Variants in CCL24 observed in about 807,000 individuals in gnomAD.
CCL24 encodes the protein C-C motif chemokine 24.
In CCL24, 6 loss-of-function variants were observed where a neutral mutation model predicts 8.6. The observed-to-expected ratio is 0.70, with a 90% CI of 0.38 to 1.38. The LOEUF (loss-of-function observed/expected upper bound fraction) is 1.38, where lower values mean the gene tolerates loss of function less well. Ranked by LOEUF, CCL24 falls within the 40% of genes most tolerant of loss-of-function variation. The pLI, the probability that CCL24 is intolerant of heterozygous loss-of-function variation, is 0.02. For synonymous variants in CCL24, 59 were observed against 52.7 expected (o/e 1.12, Z -0.52); for missense variants, 126 against 147.1 (o/e 0.86, Z 0.74).
chr7:75,813,763 G>A lies in CCL24; in HGVS notation c.-48C>T, dbSNP rs1554533786. 4 of 1,492,534 alleles carry A rather than the reference G, an allele frequency of 2.7e-6. No individual in the cohort carries two copies. The highest frequency in any genetic ancestry group is 1.7e-5 in the Admixed American group (1 of 59,822). The allele number at this position is 1,492,534 out of a possible 1,614,324, so 92.5% of individuals were successfully genotyped here. A position where few individuals can be genotyped will look rare whatever the true frequency, so the allele number is the denominator to read the frequency against. ...GCTCGGGGCTCAAAGCTGACGTGCAGGAGGAAAGGACCTAGGGATAAATAG... is the reference window on the plus strand; with the variant it reads ...GCTCGGGGCTCAAAGCTGACGTGCAAGAGGAAAGGACCTAGGGATAAATAG... On this transcript the variant is annotated 5_prime_UTR_variant, in exon 1 of 3. Coordinates refer to ENST00000222902, the MANE Select transcript of CCL24 (RefSeq NM_002991.3).
Position 75,810,827 on chromosome 7 carries a change from C to A in CCL24, c.*969G>T, listed in dbSNP as rs1210060576. On this transcript the variant is annotated 3_prime_UTR_variant, in exon 3 of 3. Coordinates refer to ENST00000222902, the MANE Select transcript of CCL24 (RefSeq NM_002991.3). ...AGAACACACAAGACACAACAACCTT[C>A]AAAGAAAAAAAGAATCGCATTTTAT... is the stretch of plus-strand genomic sequence containing the variant. Among the ~76,000 whole-genome samples the A allele has an allele frequency of 3.3e-5, 5 of 150,560 alleles. No individual in the cohort carries two copies. Among genetic ancestry groups the A allele is most frequent in the African/African-American group, 1.2e-4 (5 of 41,074 alleles).
upstream of CCL24, among the ~76,000 whole-genome samples, chr7:75,813,965 C>CT (rs377147427): frequency 1.3e-5 from 2 of 152,064 alleles, no homozygotes; most frequent in African/African-American, 4.8e-5. Context: ...ATCTTGGGCT[C>CT]CGAACGAAAG....
At chr7:75,812,446 A>G (rs1265070972) in intron 2 of CCL24, among the ~76,000 whole-genome samples, 1 of 152,094 alleles carries the variant, frequency 6.6e-6, no homozygotes, top group East Asian at 1.9e-4. Flanking sequence ...GTTACTACTT[A>G]TGAAGCTATT....
chr7:75,811,865 G>A lies in CCL24; in HGVS notation c.291C>T (p.Ser97=). ...TGACAGCCACTGCCCTGGCCCTAGGGGAAGCCTTCTTCTGCTTGGCGTCCA... is the reference window on the plus strand; with the variant it reads ...TGACAGCCACTGCCCTGGCCCTAGGAGAAGCCTTCTTCTGCTTGGCGTCCA... ...KNLDAKQKKA[S]PRARAVAVKG... The change falls in exon 3 of 3, where the codon TCC becomes TCT. Residue 97 remains serine, a synonymous_variant. Transcript: ENST00000222902. 1 of 1,612,638 alleles carries A rather than the reference G, an allele frequency of 6.2e-7. No homozygotes were observed. The highest frequency in any genetic ancestry group is 8.5e-7 in the Non-Finnish European group (1 of 1,179,790).
chr7:75,822,027 G>A (rs183058866), intron 1 of CCL24, among the ~76,000 whole-genome samples: 11 of 152,014 alleles, frequency 7.2e-5, no homozygotes, highest in South Asian at 2.1e-4. Flanking sequence ...GCTTAAACCC[G>A]GGAGGCAGAG....
intron 1 of CCL24, among the ~76,000 whole-genome samples, chr7:75,822,463 A>G (rs565925371): frequency 1.3e-5 from 2 of 152,314 alleles, no homozygotes; most frequent in South Asian, 4.1e-4. Flanking sequence ...GCATCCCTTC[A>G]GCTGTTCCCC....
intron 2 of CCL24, 48 bp downstream of exon 2, chr7:75,813,258 C>T (rs1803812953): frequency 1.7e-6 from 2 of 1,166,074 alleles, no homozygotes; most frequent in South Asian, 2.5e-5. Flanking sequence ...CCTGGAGTTG[C>T]ACCTGCCCCC....
At chr7:75,814,983 G>A (rs1476794257), upstream of CCL24, among the ~76,000 whole-genome samples, 1 of 152,042 alleles carries the variant, frequency 6.6e-6, no homozygotes, top group Non-Finnish European at 1.5e-5. Context: ...CCAAGGGTCT[G>A]CTTTGGGGAC....
chr7:75,818,401 C>T (rs529326407), upstream of CCL24, among the ~76,000 whole-genome samples: 82 of 148,526 alleles, frequency 5.5e-4, no homozygotes, highest in African/African-American at 1.9e-3. Flanking sequence ...GAGCCGAGAT[C>T]GCACCACTGC....
chr7:75,818,949 A>G (rs1257554867), intron 1 of CCL24, among the ~76,000 whole-genome samples: 1 of 151,292 alleles, frequency 6.6e-6, no homozygotes, highest in Non-Finnish European at 1.5e-5. Flanking sequence ...TTATATATAT[A>G]TATATTATAG....
intron 1 of CCL24, among the ~76,000 whole-genome samples, chr7:75,822,604 C>T (rs577028263): frequency 1.9e-4 from 25 of 128,864 alleles, no homozygotes; most frequent in South Asian, 5.7e-4. Flanking sequence ...GTGGCCTAGG[C>T]GGTGGATCAC....
upstream of CCL24, among the ~76,000 whole-genome samples, chr7:75,818,761 C>A (rs1554534525): frequency 6.6e-6 from 1 of 151,986 alleles, no homozygotes; most frequent in East Asian, 1.9e-4. Context: ...CTGATGGCTC[C>A]AGCACAGACC....
At chr7:75,812,072 C>A (rs918111823) in intron 2 of CCL24, 108 bp from the exon 3 acceptor site, 21 of 864,680 alleles carry the variant, frequency 2.4e-5, no homozygotes, top group Admixed American at 4.8e-5. Context: ...GGCTTCCTTG[C>A]AAGTTGCTGA....
At chr7:75,823,004 G>T (rs1804080416) in intron 1 of CCL24, among the ~76,000 whole-genome samples, 1 of 152,140 alleles carries the variant, frequency 6.6e-6, no homozygotes, top group Non-Finnish European at 1.5e-5. Context: ...ACCACACCGA[G>T]TTCACTTTCC....
intron 2 of CCL24, 37 bp downstream of exon 2, chr7:75,813,269 A>G (rs3815261): frequency 0.29 from 373,860 of 1,292,214 alleles, 60,046 homozygotes; most frequent in East Asian, 0.65. Context: ...ACCTGCCCCC[A>G]CCCCTCTCCT....
Position 75,813,796 on chromosome 7 carries a change from C to G in CCL24, c.-81G>C. On this transcript the variant is annotated 5_prime_UTR_variant, in exon 1 of 3. Transcript: ENST00000222902. ...GGACCTAGGGATAAATAGCTCGGGT[C>G]CTTGCAGAGTACCCCAAACTCCCTC... 1 of 1,129,628 alleles carries G rather than the reference C, an allele frequency of 8.9e-7. No homozygotes were observed. Among genetic ancestry groups the G allele is most frequent in the African/African-American group, 1.5e-5 (1 of 65,664 alleles). 70.0% of individuals were successfully genotyped at this position (1,129,628 alleles called of 1,614,324 possible). A position where few individuals can be genotyped will look rare whatever the true frequency, so the allele number is the denominator to read the frequency against.
rs193245535 is a variant in CCL24, at chr7:75,813,722, G to C, written c.-7C>G. The C allele has an allele frequency of 3.0e-4, 491 of 1,613,198 alleles. No individual in the cohort carries two copies. In the African/African-American group the frequency reaches 6.3e-3, roughly 21 times the overall value. On this transcript the variant is annotated 5_prime_UTR_variant, in exon 1 of 3. Transcript: ENST00000222902. ...TGGTCATCAGGCCTGCCATGTCTCAGAGAGCAGAAGCACCAGCTCGGGGCT... is the reference window on the plus strand; with the variant it reads ...TGGTCATCAGGCCTGCCATGTCTCACAGAGCAGAAGCACCAGCTCGGGGCT...
In CCL24 at chr7:75,813,724, G is replaced by C; in HGVS notation, c.-9C>G. On this transcript the variant is annotated 5_prime_UTR_variant, in exon 1 of 3. Coordinates refer to ENST00000222902, the MANE Select transcript of CCL24 (RefSeq NM_002991.3). Reference sequence around the variant, plus strand: ...GTCATCAGGCCTGCCATGTCTCAGAGAGCAGAAGCACCAGCTCGGGGCTCA... The same window carrying C: ...GTCATCAGGCCTGCCATGTCTCAGACAGCAGAAGCACCAGCTCGGGGCTCA... The C allele has an allele frequency of 6.2e-7, 1 of 1,612,938 alleles. No homozygotes were observed. The highest frequency in any genetic ancestry group is 8.5e-7 in the Non-Finnish European group (1 of 1,178,982).
chr7:75,814,891 TC>T (rs576588113), upstream of CCL24, among the ~76,000 whole-genome samples: 1 of 151,238 alleles, frequency 6.6e-6, no homozygotes, highest in Non-Finnish European at 1.5e-5. Context: ...CTTGGCCCCT[TC>T]CCGCGCCGAC....
Sources: gnomAD v4.1 joint callset for allele counts (sites outside exome capture counted in the v4.1 genomes callset) on GRCh38, gnomAD v4.1.1 for gene constraint, MANE v1.5 for transcripts, NCBI Gene and HGNC (gene_info 2026-07-23, HGNC 2026-07-21) for gene names.